NR2F6: variants seen among roughly 807,000 people sequenced by gnomAD.
The protein encoded by NR2F6 is ERBA-related gene-2.
Under a neutral mutation model 26.5 loss-of-function variants are expected in NR2F6, and 16 were observed. The ratio of observed to expected loss-of-function variants is 0.60; its 90% CI spans 0.41 to 0.92. The LOEUF (loss-of-function observed/expected upper bound fraction) is 0.92. NR2F6 is among the 40% of genes least tolerant of loss of function. The pLI is 0.00. For missense variants in NR2F6, 536 were observed against 631.7 expected (o/e 0.85, Z 1.62); for synonymous variants, 325 against 305.0 (o/e 1.07, Z -0.68).
chr19:17,244,587 T>C, intron 1 of NR2F6: 1 of 240,064 alleles, frequency 4.2e-6, no homozygotes. Flanking sequence ...CGCGCCGGGA[T>C]CCCCGAGAAC....
intron 2 of NR2F6, among the ~76,000 whole-genome samples, chr19:17,238,571 C>G (rs948386829): frequency 6.6e-6 from 1 of 152,064 alleles, no homozygotes; most frequent in Non-Finnish European, 1.5e-5. Context: ...AGACTTCTGG[C>G]GAGGCTGTTT....
chr19:17,234,678 G>A (rs2073425889), intron 3 of NR2F6, among the ~76,000 whole-genome samples: 1 of 151,932 alleles, frequency 6.6e-6, no homozygotes, highest in Non-Finnish European at 1.5e-5. Flanking sequence ...GTGAGACCAC[G>A]TCTCTACAGA....
At chr19:17,244,736 G>C (rs1022701118) in intron 1 of NR2F6, among the ~76,000 whole-genome samples, 17 of 146,840 alleles carry the variant, frequency 1.2e-4, no homozygotes, top group South Asian at 2.2e-4. Context: ...ACCACCTGAT[G>C]GGGGGGGAAC....
At chr19:17,232,729 G>A in intron 3 of NR2F6, 103 bp from the exon 4 acceptor site, 1 of 1,374,156 alleles carries the variant, frequency 7.3e-7, no homozygotes. Context: ...GTAAGAACAG[G>A]GGGCCGGGCA....
Position 17,232,629 on chromosome 19 carries a change from AG to A in NR2F6, c.941-4del. The A allele has an allele frequency of 6.5e-7, 1 of 1,527,082 alleles. No homozygotes were observed. 94.6% of individuals were successfully genotyped at this position (1,527,082 alleles called of 1,614,324 possible). ...CGGGTCTGAGAGGCCACAGGCGTCT[AG>A]GGGGACAAAGGCAAGTCAGACAGGT... is the stretch of plus-strand genomic sequence containing the variant. On this transcript the variant is annotated splice_polypyrimidine_tract_variant and splice_region_variant and intron_variant, in intron 3 of 3. Transcript: ENST00000291442.
intron 2 of NR2F6, 26 bp from the exon 3 acceptor site, chr19:17,236,091 CAT>C: frequency 2.7e-6 from 1 of 373,942 alleles, no homozygotes. Context: ...ACAGGAGGGA[CAT>C]GGGGGCGGGA....
chr19:17,235,695 C>A lies in NR2F6; in HGVS notation c.744G>T (p.Ala248=), dbSNP rs2073432419. 1.3e-6 allele frequency: 2 copies of A among 1,489,630 alleles called. No homozygotes were observed. Among genetic ancestry groups the A allele is most frequent in the African/African-American group, 1.5e-5 (1 of 68,080 alleles). 92.3% of individuals were successfully genotyped at this position (1,489,630 alleles called of 1,614,324 possible). A position where few individuals can be genotyped will look rare whatever the true frequency, so the allele number is the denominator to read the frequency against. ...SWSELFVLNA[A]QAALPLHTAP... ...CCGTGTGCAGGGGCAGCGCCGCCTGCGCCGCGTTCAGCACGAAGAGCTCGC... is the reference window on the plus strand; with the variant it reads ...CCGTGTGCAGGGGCAGCGCCGCCTGAGCCGCGTTCAGCACGAAGAGCTCGC... Residue 248 remains alanine, a synonymous_variant, in exon 3 of 4, where the codon GCG becomes GCT. Coordinates refer to ENST00000291442, the MANE Select transcript of NR2F6 (RefSeq NM_005234.4). This position sits in a 1 kb window ranked among gnomAD's most constrained non-coding sequence, Gnocchi z 5.0.
chr19:17,245,435 T>G lies in NR2F6; in HGVS notation c.-215A>C. On this transcript the variant is annotated 5_prime_UTR_variant, in exon 1 of 4. Transcript: ENST00000291442. This position sits in a 1 kb window ranked among gnomAD's most constrained non-coding sequence, Gnocchi z 5.0. ...GGTTCCAGGCCAACTTTCCCACGCGTGCGCGGGGCCGGGCCCGGGGCCGGG... is the reference window on the plus strand; with the variant it reads ...GGTTCCAGGCCAACTTTCCCACGCGGGCGCGGGGCCGGGCCCGGGGCCGGG... 1 of 279,792 alleles carries G rather than the reference T, an allele frequency of 3.6e-6. No individual in the cohort carries two copies. Among genetic ancestry groups the G allele is most frequent in the Non-Finnish European group, 6.3e-6 (1 of 159,982 alleles). The allele number at this position is 279,792 out of a possible 1,614,324, so 17.3% of individuals were successfully genotyped here. A position where few individuals can be genotyped will look rare whatever the true frequency, so the allele number is the denominator to read the frequency against.
chr19:17,239,184 A>G (rs577351599), intron 2 of NR2F6, among the ~76,000 whole-genome samples: 36 of 151,656 alleles, frequency 2.4e-4, no homozygotes, highest in African/African-American at 8.2e-4. Flanking sequence ...TAAAAATACA[A>G]AAATTAGCTG....
chr19:17,231,944 T>A lies in NR2F6; in HGVS notation c.*408A>T, dbSNP rs2073409714. 1 of 214,368 alleles carries A rather than the reference T, an allele frequency of 4.7e-6. No individual in the cohort carries two copies. The highest frequency in any genetic ancestry group is 5.2e-5 in the Admixed American group (1 of 19,194). 13.3% of individuals were successfully genotyped at this position (214,368 alleles called of 1,614,324 possible). A position where few individuals can be genotyped will look rare whatever the true frequency, so the allele number is the denominator to read the frequency against. ...GTCATCATGTAGTGTCTGACATAGGTTACGTGTCCAGAGGATCTGCCTGGC... is the reference window on the plus strand; with the variant it reads ...GTCATCATGTAGTGTCTGACATAGGATACGTGTCCAGAGGATCTGCCTGGC... On this transcript the variant is annotated 3_prime_UTR_variant, in exon 4 of 4. Transcript: ENST00000291442.
chr19:17,235,262 C>T lies in NR2F6; in HGVS notation c.940+237G>A, dbSNP rs143669411. Among the ~76,000 whole-genome samples the T allele has an allele frequency of 2.3e-3, 353 of 152,318 alleles. No homozygotes were observed. The highest frequency in any genetic ancestry group is 8.1e-3 in the African/African-American group (338 of 41,590). On this transcript the variant is annotated intron_variant, in intron 3 of 3. Coordinates refer to ENST00000291442, the MANE Select transcript of NR2F6 (RefSeq NM_005234.4). The surrounding 1 kb of genome is among the most constrained non-coding windows in gnomAD (Gnocchi z 5.0). ...CCTGGCCCAGCCTTGGGTCTGGGGT[C>T]CGGGGTTCAGAGTTCTCCGAGAGTC... is the stretch of plus-strand genomic sequence containing the variant.
chr19:17,244,901 G>C lies in NR2F6; in HGVS notation c.278+42C>G, dbSNP rs759678879. On this transcript the variant is annotated intron_variant, in intron 1 of 3. Coordinates refer to ENST00000291442, the MANE Select transcript of NR2F6 (RefSeq NM_005234.4). ...GCAGGTCAGAGGCCTGCCCCAGGTC[G>C]GGGCGGGGTGCACGGCGGCGGCGCG... 7 of 1,546,566 alleles carry C rather than the reference G, an allele frequency of 4.5e-6. No homozygotes were observed. The Admixed American group carries it at 1.4e-4, about 31-fold the overall frequency.
chr19:17,238,261 G>A (rs1319960660), intron 2 of NR2F6, among the ~76,000 whole-genome samples: 1 of 152,176 alleles, frequency 6.6e-6, no homozygotes, highest in African/African-American at 2.4e-5. Context: ...TGTGTACCAA[G>A]CCCTGGTCTA....
chr19:17,236,877 T>C (rs1442351509), intron 2 of NR2F6, among the ~76,000 whole-genome samples: 6 of 152,174 alleles, frequency 3.9e-5, no homozygotes, highest in African/African-American at 1.4e-4. Flanking sequence ...GCCCTGCTGC[T>C]GGCTTGGGCA....
chr19:17,244,574 C>T (rs2073486262), intron 1 of NR2F6: 1 of 232,438 alleles, frequency 4.3e-6, no homozygotes, highest in South Asian at 5.5e-5. Context: ...CGAGGGCATC[C>T]CGCGCGCCGG....
Position 17,235,968 on chromosome 19 carries a change from G to A in NR2F6, c.471C>T (p.Gly157=). The change falls in exon 3 of 4, where the codon GGC becomes GGT. Residue 157 remains glycine (G), a synonymous_variant. Transcript: ENST00000291442. This position sits in a 1 kb window ranked among gnomAD's most constrained non-coding sequence, Gnocchi z 5.0. Reference sequence around the variant, plus strand: ...CCGGCTGCCCCGGGAAGAGGTCTCCGCCGCTCGCCACTGCCGCCAGCGCCG... The same window carrying A: ...CCGGCTGCCCCGGGAAGAGGTCTCCACCGCTCGCCACTGCCGCCAGCGCCG... ...PGSALAAVAS[G]GDLFPGQPVS... The A allele has an allele frequency of 6.8e-7, 1 of 1,472,440 alleles. No homozygotes were observed. Among genetic ancestry groups the A allele is most frequent in the South Asian group, 1.3e-5 (1 of 77,508 alleles). 91.2% of individuals were successfully genotyped at this position (1,472,440 alleles called of 1,614,324 possible).
chr19:17,232,765 C>CTGGG, intron 3 of NR2F6, 139 bp from the exon 4 acceptor site: 2 of 1,061,442 alleles, frequency 1.9e-6, no homozygotes, highest in Non-Finnish European at 2.6e-6. Context: ...ACAGTCCCAG[C>CTGGG]ACTTTGGGAG....
chr19:17,235,835 C>G lies in NR2F6; in HGVS notation c.604G>C (p.Val202Leu). 6.8e-7 allele frequency: 1 copy of G among 1,480,172 alleles called. No individual in the cohort carries two copies. The highest frequency in any genetic ancestry group is 1.3e-5 in the South Asian group (1 of 78,342). 91.7% of individuals were successfully genotyped at this position (1,480,172 alleles called of 1,614,324 possible). The stretch of plus-strand genomic sequence containing the variant: ...AGCAGCCGCGCCGCCAGCTCGCACA[C>G]GTTGTCGATGCCCAGCACCGCGCCC... ...AAGAVLGIDN[V>L]CELAARLLFS... Residue 202 changes from valine to leucine, a missense_variant, in exon 3 of 4, where the codon GTG becomes CTG. Physicochemically the swap from Val to Leu is conservative, Grantham distance 32 (BLOSUM62 1). Transcript: ENST00000291442. This position sits in a 1 kb window ranked among gnomAD's most constrained non-coding sequence, Gnocchi z 5.0.
chr19:17,234,006 T>C (rs1449663540), intron 3 of NR2F6, among the ~76,000 whole-genome samples: 1 of 151,588 alleles, frequency 6.6e-6, no homozygotes, highest in African/African-American at 2.4e-5. Context: ...GGGCAGATCA[T>C]GAGGTCAGGA....
Sources: gnomAD v4.1 joint callset for allele counts (sites outside exome capture counted in the v4.1 genomes callset) on GRCh38, gnomAD v4.1.1 for gene constraint, Gnocchi (gnomAD v3.1) non-coding constraint, MANE v1.5 for transcripts, NCBI Gene and HGNC (gene_info 2026-07-23, HGNC 2026-07-21) for gene names.